SLC38A8: variants seen among roughly 807,000 people sequenced by gnomAD.
The protein encoded by SLC38A8 is solute carrier family 38 member 8.
SLC38A8 carries 65 observed loss-of-function variants against 46.0 expected under a neutral mutation model. The observed-to-expected ratio is 1.41, with a 90% CI of 1.16 to 1.74. SLC38A8 has a LOEUF of 1.74. Among genes scored for constraint, SLC38A8 ranks in the 40% most tolerant of loss-of-function variants. SLC38A8 has a pLI of 0.00. For missense variants in SLC38A8, 998 were observed against 567.9 expected, an observed-to-expected ratio of 1.76 and a Z score of -7.70; for synonymous variants, 447 against 243.7, an observed-to-expected ratio of 1.83 and a Z score of -7.77.
At chr16:84,019,562 ACAAT>A (rs1052470380) in intron 7 of SLC38A8, among the ~76,000 whole-genome samples, 7 of 152,126 alleles carry the variant, frequency 4.6e-5, no homozygotes, top group East Asian at 1.9e-4. Flanking sequence ...TTTGGAGGGG[ACAAT>A]CAATCAAACC....
At chr16:84,024,663 C>T (rs1174627013) in intron 6 of SLC38A8, among the ~76,000 whole-genome samples, 1 of 151,976 alleles carries the variant, frequency 6.6e-6, no homozygotes, top group Non-Finnish European at 1.5e-5. Context: ...CACCTGTAAT[C>T]CTAGTTACTT....
chr16:84,032,191 G>C (rs1249047034), intron 4 of SLC38A8, among the ~76,000 whole-genome samples: 1 of 138,874 alleles, frequency 7.2e-6, no homozygotes, highest in South Asian at 2.3e-4. Context: ...TTGTTTTGTT[G>C]TTGTTGTTGT....
chr16:84,009,723 T>C lies in SLC38A8; in HGVS notation c.*61A>G, dbSNP rs1046903827. ...AAATGGCATCGGTCTCCTGGCTGCATACAGCAGCCACGTAGGGTCAGCCCC... is the reference window on the plus strand; with the variant it reads ...AAATGGCATCGGTCTCCTGGCTGCACACAGCAGCCACGTAGGGTCAGCCCC... On this transcript the variant is annotated 3_prime_UTR_variant, in exon 11 of 11. Transcript: ENST00000299709. 4 of 1,413,200 alleles carry C rather than the reference T, an allele frequency of 2.8e-6. No homozygotes were observed. Among genetic ancestry groups the C allele is most frequent in the African/African-American group, 1.4e-5 (1 of 69,272 alleles). 87.5% of individuals were successfully genotyped at this position (1,413,200 alleles called of 1,614,324 possible).
chr16:84,033,213 C>G, intron 4 of SLC38A8, 115 bp downstream of exon 4: 1 of 1,431,032 alleles, frequency 7.0e-7, no homozygotes, highest in Non-Finnish European at 9.6e-7. Flanking sequence ...TCGTTTTCCC[C>G]TTCTCCAAAT....
intron 10 of SLC38A8, 140 bp from the exon 11 acceptor site, chr16:84,010,017 T>C (rs1442797956): frequency 8.5e-6 from 5 of 591,462 alleles, no homozygotes; most frequent in African/African-American, 1.9e-5. Context: ...TATTTCCAGT[T>C]ACCTGTAGGG....
chr16:84,039,066 C>G (rs958549038), intron 2 of SLC38A8, among the ~76,000 whole-genome samples: 1 of 152,050 alleles, frequency 6.6e-6, no homozygotes, highest in Non-Finnish European at 1.5e-5. Context: ...GGCCCTCAAC[C>G]CATTGAGGTA....
intron 6 of SLC38A8, among the ~76,000 whole-genome samples, chr16:84,029,260 G>A (rs553969575): frequency 6.6e-6 from 1 of 152,300 alleles, no homozygotes; most frequent in African/African-American, 2.4e-5. Context: ...ATCAGTGGGG[G>A]CTGGATTCCC....
intron 10 of SLC38A8, among the ~76,000 whole-genome samples, chr16:84,011,028 C>T (rs142523053): frequency 8.1e-4 from 124 of 152,234 alleles, no homozygotes; most frequent in Non-Finnish European, 1.4e-3. Flanking sequence ...AATGGCAGGG[C>T]CACCAGAGAT....
In SLC38A8 at chr16:84,017,124, C is replaced by G. The variant is rs1182311691; in HGVS notation, c.953+16G>C. On this transcript the variant is annotated intron_variant, in intron 8 of 10. Coordinates refer to ENST00000299709, the MANE Select transcript of SLC38A8 (RefSeq NM_001080442.3). ...AGACCATGCTTCACGGTGCCCCCCACTGAGCCAGGCCTCACCTCCCCAGGA... is the reference window on the plus strand; with the variant it reads ...AGACCATGCTTCACGGTGCCCCCCAGTGAGCCAGGCCTCACCTCCCCAGGA... The G allele has an allele frequency of 6.2e-6, 10 of 1,613,526 alleles. No homozygotes were observed. Among genetic ancestry groups the G allele is most frequent in the Admixed American group, 3.3e-5 (2 of 59,952 alleles).
At position 84,011,335 on chromosome 16, in the gene SLC38A8, G is replaced by T. The variant is rs1245474160; in HGVS notation, c.1215-1458C>A. 3.3e-5 allele frequency among the ~76,000 whole-genome samples: 5 copies of T among 152,338 alleles called. No individual in the cohort carries two copies. The East Asian group carries it at 7.7e-4, about 23-fold the overall frequency. The stretch of plus-strand genomic sequence containing the variant: ...TGAAGACTCCGAAAAGCATCCCAGG[G>T]AATGAGCGGCTTAGGGGGTTACCAG... On this transcript the variant is annotated intron_variant, in intron 10 of 10. Transcript: ENST00000299709.
intron 9 of SLC38A8, among the ~76,000 whole-genome samples, chr16:84,016,225 A>G (rs968856012): frequency 1.3e-5 from 2 of 152,216 alleles, no homozygotes; most frequent in African/African-American, 2.4e-5. Flanking sequence ...TGATTCAACT[A>G]TCTCCACCTT....
At chr16:84,013,289 C>A (rs1296540813) in intron 9 of SLC38A8, among the ~76,000 whole-genome samples, 1 of 152,112 alleles carries the variant, frequency 6.6e-6, no homozygotes, top group Non-Finnish European at 1.5e-5. Flanking sequence ...CTTCCCAGAG[C>A]CCCATCTTTC....
chr16:84,020,507 T>A (rs2085082717), intron 7 of SLC38A8, among the ~76,000 whole-genome samples: 1 of 152,218 alleles, frequency 6.6e-6, no homozygotes, highest in Non-Finnish European at 1.5e-5. Flanking sequence ...TCTCGCTATC[T>A]GCCAGCCTGC....
At chr16:84,042,483 T>C (rs1049419081) in intron 1 of SLC38A8, 68 bp downstream of exon 1, 5 of 204,460 alleles carry the variant, frequency 2.4e-5, no homozygotes, top group African/African-American at 1.2e-4. Context: ...TCTCCCCCCA[T>C]TCCCATCCAC....
rs2085246953 is a variant in SLC38A8, at chr16:84,032,078, G to A, written c.531-110C>T. 7.6e-6 allele frequency: 7 copies of A among 920,838 alleles called. No homozygotes were observed. The East Asian group carries it at 1.0e-4, about 14-fold the overall frequency. 57.0% of individuals were successfully genotyped at this position (920,838 alleles called of 1,614,324 possible). A position where few individuals can be genotyped will look rare whatever the true frequency, so the allele number is the denominator to read the frequency against. On this transcript the variant is annotated intron_variant, in intron 4 of 10. Coordinates refer to ENST00000299709, the MANE Select transcript of SLC38A8 (RefSeq NM_001080442.3). ...GCTCCGCCCTTGACAATGAGGTGCT[G>A]GCCAAGCTGTCCACCTCTGCCTCAC... is the stretch of plus-strand genomic sequence containing the variant.
intron 5 of SLC38A8, among the ~76,000 whole-genome samples, chr16:84,030,901 G>T (rs188730380): frequency 6.6e-6 from 1 of 152,166 alleles, no homozygotes; most frequent in Non-Finnish European, 1.5e-5. Context: ...AGCATATCCA[G>T]TCTGACTATT....
At chr16:84,034,703 T>C (rs2085282152) in intron 3 of SLC38A8, among the ~76,000 whole-genome samples, 1 of 152,032 alleles carries the variant, frequency 6.6e-6, no homozygotes, top group African/African-American at 2.4e-5. Flanking sequence ...CAAAAGCAGG[T>C]GGTCACAGCA....
At chr16:84,039,597 C>A (rs543498456) in intron 2 of SLC38A8, among the ~76,000 whole-genome samples, 1 of 152,032 alleles carries the variant, frequency 6.6e-6, no homozygotes, top group Non-Finnish European at 1.5e-5. Flanking sequence ...TCACAAAAAA[C>A]TAGCAGGGTG....
chr16:84,011,657 G>T (rs915218145), intron 10 of SLC38A8, among the ~76,000 whole-genome samples: 1 of 152,208 alleles, frequency 6.6e-6, no homozygotes, highest in African/African-American at 2.4e-5. Context: ...TGTAATTAAG[G>T]AAAAGATCTT....
Sources: gnomAD v4.1 joint callset for allele counts (sites outside exome capture counted in the v4.1 genomes callset) on GRCh38, gnomAD v4.1.1 for gene constraint, MANE v1.5 for transcripts, NCBI Gene and HGNC (gene_info 2026-07-23, HGNC 2026-07-21) for gene names.